Variants in FAM20A observed in about 807,000 individuals in gnomAD.
The protein encoded by FAM20A is pseudokinase FAM20A.
A neutral mutation model predicts 52.0 loss-of-function variants in FAM20A; 42 were observed. That is an observed-to-expected ratio of 0.81 (90% CI 0.63 to 1.04). The LOEUF (loss-of-function observed/expected upper bound fraction) is 1.04, where lower values mean the gene tolerates loss of function less well. Among genes scored for constraint, FAM20A ranks in the 50% least tolerant of loss-of-function variants. The pLI is 0.00. For synonymous variants in FAM20A, 304 were observed against 298.9 expected (o/e 1.02, Z -0.18); for missense variants, 742 against 712.7 (o/e 1.04, Z -0.47).
intron 4 of FAM20A, among the ~76,000 whole-genome samples, chr17:68,548,978 C>T (rs1386447116): frequency 3.3e-5 from 5 of 151,832 alleles, no homozygotes; most frequent in South Asian, 2.1e-4. Flanking sequence ...GTGATCTGCC[C>T]GCCTCAGCCT....
In FAM20A at chr17:68,548,974, T is replaced by C. The variant is rs979232136; in HGVS notation, c.719+2899A>G. ...GTCTTGATCTCCTGACCTCGTGATC[T>C]GCCCGCCTCAGCCTCCCAAAGTGCT... is the stretch of plus-strand genomic sequence containing the variant. On this transcript the variant is annotated intron_variant, in intron 4 of 10. Coordinates refer to ENST00000592554, the MANE Select transcript of FAM20A (RefSeq NM_017565.4). Among the ~76,000 whole-genome samples the C allele has an allele frequency of 2.6e-5, 4 of 151,864 alleles. No individual in the cohort carries two copies. In the East Asian group the frequency reaches 7.8e-4, roughly 30 times the overall value.
At chr17:68,574,593 G>A (rs1263439688) in intron 1 of FAM20A, among the ~76,000 whole-genome samples, 1 of 152,208 alleles carries the variant, frequency 6.6e-6, no homozygotes, top group Non-Finnish European at 1.5e-5. Context: ...CATCATGTGA[G>A]TTATTGTTAC....
chr17:68,589,805 T>C (rs1453179583), intron 1 of FAM20A, among the ~76,000 whole-genome samples: 1 of 152,160 alleles, frequency 6.6e-6, no homozygotes, highest in East Asian at 1.9e-4. Context: ...AGTTAATCAA[T>C]GAAAACAAGA....
At chr17:68,539,659 C>T (rs977920921) in intron 9 of FAM20A, among the ~76,000 whole-genome samples, 3 of 152,240 alleles carry the variant, frequency 2.0e-5, no homozygotes, top group Non-Finnish European at 4.4e-5. Context: ...AAACCTCACC[C>T]TATTTCACTA....
intron 4 of FAM20A, among the ~76,000 whole-genome samples, chr17:68,546,601 C>T (rs945443996): frequency 1.3e-5 from 2 of 152,060 alleles, no homozygotes; most frequent in African/African-American, 4.8e-5. Context: ...GAGGCCGAGG[C>T]GGGCGGATCA....
intron 1 of FAM20A, among the ~76,000 whole-genome samples, chr17:68,573,610 T>TCTTC (rs1426092676): frequency 1.3e-5 from 2 of 150,896 alleles, no homozygotes; most frequent in Admixed American, 6.6e-5. Context: ...CTCTCTCTTT[T>TCTTC]CTTCCTTCCT....
chr17:68,579,696 C>A (rs1373340681), intron 1 of FAM20A, among the ~76,000 whole-genome samples: 2 of 152,134 alleles, frequency 1.3e-5, no homozygotes, highest in Non-Finnish European at 1.5e-5. Context: ...GATTCTGCTC[C>A]ACACACTGAC....
chr17:68,545,584 C>G (rs1432677789), intron 4 of FAM20A, among the ~76,000 whole-genome samples: 2 of 152,164 alleles, frequency 1.3e-5, no homozygotes, highest in African/African-American at 4.8e-5. Flanking sequence ...GTGGTGGTTG[C>G]TGAAGGTTGG....
At chr17:68,565,069 C>T (rs1038075867) in intron 1 of FAM20A, among the ~76,000 whole-genome samples, 1 of 152,136 alleles carries the variant, frequency 6.6e-6, no homozygotes, top group Non-Finnish European at 1.5e-5. Flanking sequence ...GGATCCCCCG[C>T]CTCCAAAGGT....
chr17:68,575,181 A>G (rs1179239683), intron 1 of FAM20A: 1 of 151,806 alleles, frequency 6.6e-6, no homozygotes, highest in African/African-American at 2.4e-5. Flanking sequence ...TGGCCTCCAG[A>G]AATGTAAGAC....
chr17:68,541,253 C>A, intron 7 of FAM20A: 1 of 414,198 alleles, frequency 2.4e-6, no homozygotes, highest in East Asian at 5.4e-5. Context: ...GTGACCCTCA[C>A]CTGCTTCCTC....
At position 68,555,747 on chromosome 17, in the gene FAM20A, A is replaced by G. The variant is rs1371956654; in HGVS notation, c.405-4T>C. The G allele has an allele frequency of 1.9e-6, 3 of 1,613,934 alleles. No homozygotes were observed. Among genetic ancestry groups the G allele is most frequent in the Non-Finnish European group, 2.5e-6 (3 of 1,180,048 alleles). ...CTCTCTGTACATCTTGTGTCGCCTG[A>G]AAGAGCCAGATAGTTGTTCATTAGA... On this transcript the variant is annotated splice_region_variant and splice_polypyrimidine_tract_variant and intron_variant, in intron 1 of 10. Transcript: ENST00000592554.
At chr17:68,580,941 G>A (rs1219145224) in intron 1 of FAM20A, among the ~76,000 whole-genome samples, 2 of 152,122 alleles carry the variant, frequency 1.3e-5, no homozygotes, top group Admixed American at 6.5e-5. Flanking sequence ...GCAGCGTTGC[G>A]ATGACACCCG....
intron 1 of FAM20A, among the ~76,000 whole-genome samples, chr17:68,580,006 G>T (rs549625141): frequency 1.6e-3 from 211 of 135,550 alleles, no homozygotes; most frequent in Non-Finnish European, 3.0e-3. Context: ...ACTATTAATA[G>T]TTTGCATTTG....
chr17:68,600,124 C>CT lies in FAM20A; in HGVS notation c.404+138dup, dbSNP rs941711728. 10 of 1,042,364 alleles carry CT rather than the reference C, an allele frequency of 9.6e-6. No homozygotes were observed. The highest frequency in any genetic ancestry group is 1.6e-5 in the South Asian group (1 of 61,364). The allele number at this position is 1,042,364 out of a possible 1,614,324, so 64.6% of individuals were successfully genotyped here. On this transcript the variant is annotated intron_variant, in intron 1 of 10. Coordinates refer to ENST00000592554, the MANE Select transcript of FAM20A (RefSeq NM_017565.4). The surrounding 1 kb of genome is among the most constrained non-coding windows in gnomAD (Gnocchi z 6.2). ...GTGGGGTTCGGGTGGGGAACACACT[C>CT]TAAGCCCAGCGCCAGGGCTGGAGCC...
At chr17:68,567,129 TA>T (rs1397490535) in intron 1 of FAM20A, among the ~76,000 whole-genome samples, 2 of 151,898 alleles carry the variant, frequency 1.3e-5, no homozygotes. Flanking sequence ...AGTAGACTCA[TA>T]AATTCCACTG....
intron 9 of FAM20A, 118 bp from the exon 10 acceptor site, chr17:68,539,514 A>G (rs935553429): frequency 4.5e-6 from 4 of 886,394 alleles, no homozygotes; most frequent in Admixed American, 3.7e-5. Context: ...GCCAGGGATC[A>G]TGGCAGCTGC....
intron 4 of FAM20A, among the ~76,000 whole-genome samples, chr17:68,547,818 T>G (rs1422246539): frequency 3.9e-5 from 6 of 152,248 alleles, no homozygotes; most frequent in Non-Finnish European, 7.3e-5. Flanking sequence ...GCTTTTAGCT[T>G]CCTTCAAGAA....
chr17:68,570,824 G>A (rs2087515695), intron 1 of FAM20A, among the ~76,000 whole-genome samples: 1 of 152,168 alleles, frequency 6.6e-6, no homozygotes, highest in Non-Finnish European at 1.5e-5. Flanking sequence ...AAATTCACTG[G>A]TTACTAAGCT....
Sources: allele counts gnomAD v4.1 joint callset (sites outside exome capture counted in the v4.1 genomes callset), GRCh38; gene constraint gnomAD v4.1.1; non-coding constraint Gnocchi (gnomAD v3.1); transcripts MANE v1.5; gene names NCBI Gene and HGNC (gene_info 2026-07-23, HGNC 2026-07-21).